Variants in GRID2 observed in about 807,000 individuals in gnomAD.
GRID2 encodes the protein glutamate receptor ionotropic, delta-2.
A neutral mutation model predicts 114.8 loss-of-function variants in GRID2; 33 were observed. The ratio of observed to expected loss-of-function variants is 0.29; its 90% CI spans 0.22 to 0.38. The LOEUF is 0.38. Ranked by LOEUF, GRID2 falls within the 10% of genes least tolerant of loss-of-function variation. GRID2 has a pLI of 1.00. For missense variants in GRID2, 1,184 were observed against 1,257.7 expected, an observed-to-expected ratio of 0.94 and a Z score of 0.89; for synonymous variants, 505 against 449.9, an observed-to-expected ratio of 1.12 and a Z score of -1.55.
At position 93,339,104 on chromosome 4, in the gene GRID2, T is replaced by C. The variant is rs150575843; in HGVS notation, c.1246-56503T>C. On this transcript the variant is annotated intron_variant, in intron 8 of 15. Coordinates refer to ENST00000282020, the MANE Select transcript of GRID2 (RefSeq NM_001510.4). ...AGAGCTCCTACCTATTCTGGAGGCA[T>C]TGCTTCATGTTATTAGCATTTATTG... Among the ~76,000 whole-genome samples, 415 of 152,318 alleles carry C rather than the reference T, an allele frequency of 2.7e-3. 3 individuals are homozygous for C. The highest frequency in any genetic ancestry group is 8.5e-3 in the African/African-American group (353 of 41,566).
chr4:92,654,080 G>T (rs995075787), intron 2 of GRID2, among the ~76,000 whole-genome samples: 2 of 152,168 alleles, frequency 1.3e-5, no homozygotes, highest in East Asian at 3.9e-4. Flanking sequence ...GGTAAATGCT[G>T]TATGTTTTAG....
At chr4:93,407,693 T>C (rs1766597362) in intron 9 of GRID2, among the ~76,000 whole-genome samples, 1 of 148,958 alleles carries the variant, frequency 6.7e-6, no homozygotes, top group Non-Finnish European at 1.5e-5. Context: ...TTTTTTCATG[T>C]TTGGAAGGTC....
At chr4:92,641,012 G>A (rs62309171) in intron 2 of GRID2, among the ~76,000 whole-genome samples, 8,448 of 151,504 alleles carry the variant, frequency 0.056, 300 homozygotes, top group East Asian at 0.16. Context: ...GAAGAATAAG[G>A]ACGACAAAAG....
At chr4:92,402,925 T>A (rs1439475951) in intron 1 of GRID2, among the ~76,000 whole-genome samples, 1 of 152,206 alleles carries the variant, frequency 6.6e-6, no homozygotes, top group East Asian at 1.9e-4. Flanking sequence ...GAAAATCTCT[T>A]GTTTAGTGTA....
chr4:92,857,939 A>G (rs1196413097), intron 2 of GRID2, among the ~76,000 whole-genome samples: 1 of 152,206 alleles, frequency 6.6e-6, no homozygotes, highest in African/African-American at 2.4e-5. Context: ...TAGATCCCTT[A>G]TGAATTATGC....
chr4:93,009,538 T>C (rs916497973), intron 2 of GRID2, among the ~76,000 whole-genome samples: 16 of 152,160 alleles, frequency 1.1e-4, no homozygotes, highest in African/African-American at 3.9e-4. Flanking sequence ...CATAATCTTC[T>C]TGATTTTCAT....
chr4:93,726,290 G>C (rs1032731291), intron 14 of GRID2, among the ~76,000 whole-genome samples: 3 of 152,198 alleles, frequency 2.0e-5, no homozygotes, highest in Non-Finnish European at 2.9e-5. Context: ...AGATCAGATA[G>C]TTGTAGATAT....
At chr4:92,397,808 T>C (rs994593516) in intron 1 of GRID2, among the ~76,000 whole-genome samples, 3 of 152,106 alleles carry the variant, frequency 2.0e-5, no homozygotes, top group Admixed American at 2.0e-4. Context: ...ATATCAGTAA[T>C]TAATAATGAA....
chr4:92,822,926 G>T (rs12499975), intron 2 of GRID2: 44,001 of 151,938 alleles, frequency 0.29, 6,841 homozygotes, highest in Middle Eastern at 0.44. Flanking sequence ...CATGGTGGTG[G>T]TGAGGTCAGG....
intron 1 of GRID2, among the ~76,000 whole-genome samples, chr4:92,327,433 C>G (rs1327793631): frequency 6.6e-6 from 1 of 151,830 alleles, no homozygotes; most frequent in African/African-American, 2.4e-5. Flanking sequence ...CTCAGATCCC[C>G]ATTTTAGAGT....
intron 8 of GRID2, among the ~76,000 whole-genome samples, chr4:93,254,080 A>G (rs1749290362): frequency 1.3e-5 from 2 of 152,116 alleles, no homozygotes; most frequent in African/African-American, 2.4e-5. Flanking sequence ...GTTCTTTTCA[A>G]TAAGATAAAT....
chr4:92,785,407 T>C (rs35670362), intron 2 of GRID2, among the ~76,000 whole-genome samples: 1 of 151,330 alleles, frequency 6.6e-6, no homozygotes, highest in Non-Finnish European at 1.5e-5. Context: ...TTAAATATTG[T>C]TTTCTTTCAT....
intron 2 of GRID2, among the ~76,000 whole-genome samples, chr4:93,030,177 T>G (rs1014172932): frequency 3.9e-5 from 6 of 152,210 alleles, no homozygotes; most frequent in Admixed American, 3.3e-4. Flanking sequence ...TAAAAATACA[T>G]AACTATTTCA....
chr4:93,360,417 A>G, intron 8 of GRID2, among the ~76,000 whole-genome samples: 1 of 151,926 alleles, frequency 6.6e-6, no homozygotes, highest in East Asian at 1.9e-4. Context: ...TGAATATTTC[A>G]TCTGAGATCA....
At chr4:92,887,711 T>C (rs1746475439) in intron 2 of GRID2, among the ~76,000 whole-genome samples, 1 of 152,148 alleles carries the variant, frequency 6.6e-6, no homozygotes. Context: ...CGCCTGTGTA[T>C]TTTGGATGCT....
intron 13 of GRID2, among the ~76,000 whole-genome samples, chr4:93,593,696 C>G (rs377303363): frequency 7.2e-5 from 11 of 152,234 alleles, no homozygotes; most frequent in Middle Eastern, 3.4e-3. Context: ...GTACACCAAT[C>G]AGACGTAGAT....
At chr4:93,337,653 TG>T (rs1196777436) in intron 8 of GRID2, among the ~76,000 whole-genome samples, 2 of 151,800 alleles carry the variant, frequency 1.3e-5, no homozygotes, top group African/African-American at 2.4e-5. Flanking sequence ...CTTGAAAAGC[TG>T]GTCATAAACA....
chr4:92,499,508 AATT>A (rs1217280591), intron 1 of GRID2, among the ~76,000 whole-genome samples: 2 of 152,216 alleles, frequency 1.3e-5, no homozygotes, highest in Admixed American at 1.3e-4. Flanking sequence ...CTATATTTAG[AATT>A]ATTATTCAGC....
chr4:92,635,476 G>C (rs1036112089), intron 2 of GRID2, among the ~76,000 whole-genome samples: 1 of 151,860 alleles, frequency 6.6e-6, no homozygotes, highest in Non-Finnish European at 1.5e-5. Flanking sequence ...GGGATTTTAG[G>C]TGTTATTCGG....
Sources: allele counts gnomAD v4.1 joint callset (sites outside exome capture counted in the v4.1 genomes callset), GRCh38; gene constraint gnomAD v4.1.1; transcripts MANE v1.5; gene names NCBI Gene and HGNC (gene_info 2026-07-23, HGNC 2026-07-21).